GSE1: variants seen among roughly 807,000 people sequenced by gnomAD.
The protein encoded by GSE1 is Gse1 coiled-coil protein.
In GSE1, 32 loss-of-function variants were observed where a neutral mutation model predicts 112.6. That is an observed-to-expected ratio of 0.28 (90% confidence interval 0.21 to 0.38). The LOEUF (loss-of-function observed/expected upper bound fraction) is 0.38, where lower values mean the gene tolerates loss of function less well. Ranked by LOEUF, GSE1 falls within the 10% of genes least tolerant of loss-of-function variation. The pLI is 1.00. For missense variants in GSE1, 2,348 were observed against 1,699.2 expected, an observed-to-expected ratio of 1.38 and a Z score of -6.71; for synonymous variants, 1,115 against 735.6, an observed-to-expected ratio of 1.52 and a Z score of -8.35.
At chr16:85,433,035 G>A (rs190770704) in intron 2 of GSE1, among the ~76,000 whole-genome samples, 371 of 152,020 alleles carry the variant, frequency 2.4e-3, no homozygotes, top group African/African-American at 8.6e-3. Flanking sequence ...GGGGGATCAG[G>A]TGATGATAAG....
intron 2 of GSE1, among the ~76,000 whole-genome samples, chr16:85,375,891 A>G (rs917028151): frequency 2.6e-5 from 4 of 152,198 alleles, no homozygotes; most frequent in Admixed American, 2.0e-4. Flanking sequence ...GCGCATGTCA[A>G]CTCCACCATC....
chr16:85,182,595 C>T (rs540317899), intron 1 of GSE1, among the ~76,000 whole-genome samples: 4 of 152,328 alleles, frequency 2.6e-5, no homozygotes, highest in African/African-American at 9.6e-5. Context: ...ATGCCTCCTG[C>T]AAGAGCACTT....
intron 1 of GSE1, among the ~76,000 whole-genome samples, chr16:85,577,078 C>G (rs1429994505): frequency 6.6e-6 from 1 of 151,624 alleles, no homozygotes; most frequent in Non-Finnish European, 1.5e-5. Context: ...GACTTGGGTC[C>G]TGGAGGTGAG....
chr16:85,315,926 G>C (rs1319249952), intron 1 of GSE1, among the ~76,000 whole-genome samples: 2 of 147,916 alleles, frequency 1.4e-5, no homozygotes, highest in African/African-American at 2.6e-5. Flanking sequence ...AAGCCCTAGT[G>C]GGAGGGGGGG....
intron 1 of GSE1, among the ~76,000 whole-genome samples, chr16:85,226,758 GGTGTGTGTGTGTGT>G (rs55999145): frequency 0.12 from 12,721 of 104,928 alleles, 924 homozygotes; most frequent in South Asian, 0.27. Context: ...TGCCTGGACT[GGTGTGTGTGTGTGT>G]GTGTGTGTGT....
intron 1 of GSE1, among the ~76,000 whole-genome samples, chr16:85,560,185 G>C (rs575532276): frequency 7.7e-6 from 1 of 129,264 alleles, no homozygotes; most frequent in African/African-American, 3.0e-5. Context: ...TGCCAGGCTC[G>C]AGTGCAATGG....
In GSE1 at chr16:85,602,775, C is replaced by T. The variant is rs150435656; in HGVS notation, c.38-45777C>T. 3.9e-3 allele frequency among the ~76,000 whole-genome samples: 601 copies of T among 152,338 alleles called. 2 individuals are homozygous for T. Among genetic ancestry groups the T allele is most frequent in the African/African-American group, 0.013 (557 of 41,584 alleles). On this transcript the variant is annotated intron_variant, in intron 1 of 2. Coordinates refer to the GSE1 transcript ENST00000635906. Reference sequence around the variant, plus strand: ...CTTTTGAGTGAATCACCCAAATTTCCGGTCCACTGGTGTCCAGGCTCAGCA... The same window carrying T: ...CTTTTGAGTGAATCACCCAAATTTCTGGTCCACTGGTGTCCAGGCTCAGCA...
At chr16:85,353,845 C>G (rs377738413) in intron 1 of GSE1, among the ~76,000 whole-genome samples, 2 of 152,206 alleles carry the variant, frequency 1.3e-5, no homozygotes, top group Non-Finnish European at 2.9e-5. Flanking sequence ...CTGGCCCCTG[C>G]GGGGATGTGT....
At chr16:85,577,914 C>A (rs1466622740) in intron 1 of GSE1, among the ~76,000 whole-genome samples, 1 of 152,258 alleles carries the variant, frequency 6.6e-6, no homozygotes, top group African/African-American at 2.4e-5. Flanking sequence ...GGTGCTGATG[C>A]CCGATGGCCG....
At position 85,330,104 on chromosome 16, in the gene GSE1, G is replaced by C. The variant is rs143746084; in HGVS notation, c.2284-27359G>C. Among the ~76,000 whole-genome samples, 456 of 152,304 alleles carry C rather than the reference G, an allele frequency of 3.0e-3. 4 individuals carry two copies. The highest frequency in any genetic ancestry group is 0.011 in the African/African-American group (439 of 41,550). On this transcript the variant is annotated intron_variant, in intron 1 of 2. Coordinates refer to the GSE1 transcript ENST00000637419. ...AGGAGTGGGGAATGGGCAGAGCCAC[G>C]TCTGTGAAATAAATGCCTGCTGTGC...
In GSE1 at chr16:85,673,182, C is replaced by CT. The variant is rs1257272032; in HGVS notation, c.*648dup. The CT allele has an allele frequency of 6.6e-6, 1 of 152,508 alleles. No homozygotes were observed. The highest frequency in any genetic ancestry group is 1.5e-5 in the Non-Finnish European group (1 of 68,032). 9.4% of individuals were successfully genotyped at this position (152,508 alleles called of 1,614,324 possible). On this transcript the variant is annotated 3_prime_UTR_variant, in exon 16 of 16. Transcript: ENST00000253458. ...AAACCAATTCACAAACTGAAGGTAGCTTTTTATTACTCCGTGGGGAGCATG... is the reference window on the plus strand; with the variant it reads ...AAACCAATTCACAAACTGAAGGTAGCTTTTTTATTACTCCGTGGGGAGCATG...
intron 2 of GSE1, among the ~76,000 whole-genome samples, chr16:85,384,714 G>A (rs1355906607): frequency 6.6e-6 from 1 of 152,168 alleles, no homozygotes; most frequent in Non-Finnish European, 1.5e-5. Flanking sequence ...TGTTCTTCAG[G>A]GACCTTGATG....
At chr16:85,430,656 G>A (rs73259392) in intron 2 of GSE1, among the ~76,000 whole-genome samples, 5,170 of 152,330 alleles carry the variant, frequency 0.034, 305 homozygotes, top group African/African-American at 0.12. Context: ...CACCCCCAGA[G>A]GCTCTGGCTT....
At chr16:85,363,994 A>T (rs538045124) in intron 2 of GSE1, among the ~76,000 whole-genome samples, 1 of 152,190 alleles carries the variant, frequency 6.6e-6, no homozygotes, top group Non-Finnish European at 1.5e-5. Context: ...CAATACCACA[A>T]ACTTCGTGGC....
At chr16:85,241,431 A>G (rs551988299) in intron 1 of GSE1, among the ~76,000 whole-genome samples, 1 of 152,278 alleles carries the variant, frequency 6.6e-6, no homozygotes, top group South Asian at 2.1e-4. Context: ...TCATGCTGGT[A>G]GCTTGCAGTC....
At chr16:85,667,158 C>G (rs149015169) in intron 13 of GSE1, among the ~76,000 whole-genome samples, 34 of 152,392 alleles carry the variant, frequency 2.2e-4, no homozygotes, top group African/African-American at 7.7e-4. Context: ...TTCGAAACTT[C>G]AGAATACCCT....
upstream of GSE1, among the ~76,000 whole-genome samples, chr16:85,608,570 A>G (rs193126028): frequency 2.0e-5 from 3 of 152,196 alleles, no homozygotes; most frequent in African/African-American, 4.8e-5. Flanking sequence ...CAGAGTGACC[A>G]TGGCAGGTGG....
chr16:85,600,764 T>C (rs2047429155), intron 1 of GSE1, among the ~76,000 whole-genome samples: 1 of 152,080 alleles, frequency 6.6e-6, no homozygotes, highest in African/African-American at 2.4e-5. Context: ...CACTCAGCAA[T>C]CCAGGACAAG....
At chr16:85,201,421 G>A (rs2143557141) in intron 1 of GSE1, among the ~76,000 whole-genome samples, 1 of 151,202 alleles carries the variant, frequency 6.6e-6, no homozygotes, top group Admixed American at 6.6e-5. Context: ...ACTTTGGGAC[G>A]CCGAGGGCGG....
Sources: gnomAD v4.1 joint callset for allele counts (sites outside exome capture counted in the v4.1 genomes callset) on GRCh38, gnomAD v4.1.1 for gene constraint, MANE v1.5 for transcripts, NCBI Gene and HGNC (gene_info 2026-07-23, HGNC 2026-07-21) for gene names.